Variants in SLC6A13 observed in about 807,000 individuals in gnomAD.
SLC6A13 encodes sodium- and chloride-dependent GABA transporter 2.
A neutral mutation model predicts 72.9 loss-of-function variants in SLC6A13; 69 were observed. The observed-to-expected ratio is 0.95, with a 90% CI of 0.78 to 1.16. SLC6A13 has a LOEUF of 1.16. SLC6A13 is among the 50% of genes most tolerant of loss of function. The probability of loss-of-function intolerance (pLI) is 0.00; values close to 1 mark genes in which losing one functional copy is unlikely to be tolerated. For synonymous variants in SLC6A13, 303 were observed against 303.0 expected (o/e 1.00, Z 0.00); for missense variants, 735 against 760.5 (o/e 0.97, Z 0.39).
intron 2 of SLC6A13, chr12:256,397 G>C (rs1353148755): frequency 6.6e-6 from 1 of 152,294 alleles, no homozygotes; most frequent in African/African-American, 2.4e-5. Flanking sequence ...CCTGGGGGTG[G>C]ATCAGCTGCA....
intron 7 of SLC6A13, among the ~76,000 whole-genome samples, chr12:230,435 CCTT>C (rs1458898287): frequency 2.6e-5 from 4 of 152,146 alleles, no homozygotes; most frequent in Admixed American, 2.6e-4. Flanking sequence ...CAATTCCTGA[CCTT>C]ATTAATTACT....
intron 1 of SLC6A13, among the ~76,000 whole-genome samples, chr12:261,596 A>G (rs190322556): frequency 1.0e-3 from 153 of 152,366 alleles, no homozygotes; most frequent in Non-Finnish European, 9.3e-4. Context: ...TCTTCTGGCC[A>G]CAGACTCTAC....
Position 221,201 on chromosome 12 carries a change from G to GT in SLC6A13, c.1687-132dup, listed in dbSNP as rs112977106. ...CTGTCATCACAGCCCCTGTCTGGGA[G>GT]TCCCCCTGTGTCTTCCCGAGACTTC... On this transcript the variant is annotated intron_variant, in intron 14 of 14. Transcript: ENST00000343164. 2.5e-3 allele frequency: 3,414 copies of GT among 1,342,830 alleles called. 85 individuals carry two copies. In the African/African-American group the frequency reaches 0.043, roughly 17 times the overall value. The allele number at this position is 1,342,830 out of a possible 1,614,324, so 83.2% of individuals were successfully genotyped here.
chr12:251,155 C>CAA (rs147560343), intron 2 of SLC6A13, among the ~76,000 whole-genome samples: 50 of 120,996 alleles, frequency 4.1e-4, no homozygotes, highest in East Asian at 2.3e-3. Context: ...GACTCTGTCT[C>CAA]AAAAAAAAAC....
chr12:227,806 C>A, intron 7 of SLC6A13, 138 bp from the exon 8 acceptor site: 1 of 692,740 alleles, frequency 1.4e-6, no homozygotes, highest in Non-Finnish European at 2.4e-6. Context: ...CACTTGCATC[C>A]TGCTACCTCT....
intron 2 of SLC6A13, among the ~76,000 whole-genome samples, chr12:248,464 G>A (rs546294026): frequency 6.8e-6 from 1 of 147,052 alleles, no homozygotes; most frequent in South Asian, 2.2e-4. Context: ...AATCTGTAAA[G>A]TTTATCTTAA....
intron 5 of SLC6A13, 77 bp downstream of exon 5, chr12:237,849 G>A (rs1186484083): frequency 7.5e-6 from 8 of 1,061,548 alleles, no homozygotes; most frequent in Non-Finnish European, 1.2e-5. Flanking sequence ...CATTGAGAGT[G>A]ACCTTGGTGT....
At chr12:257,987 C>T (rs1359225138) in intron 2 of SLC6A13, among the ~76,000 whole-genome samples, 1 of 152,168 alleles carries the variant, frequency 6.6e-6, no homozygotes, top group Non-Finnish European at 1.5e-5. Flanking sequence ...AGTCCCAATG[C>T]CAGATTAGTC....
chr12:239,352 G>A (rs1300735248), intron 4 of SLC6A13, among the ~76,000 whole-genome samples: 2 of 151,538 alleles, frequency 1.3e-5, no homozygotes, highest in African/African-American at 2.4e-5. Flanking sequence ...GCTCTACCAC[G>A]TCCACCCGGT....
In SLC6A13 at chr12:243,012, C is replaced by CT. The variant is rs57416459; in HGVS notation, c.338-259dup. On this transcript the variant is annotated intron_variant, in intron 3 of 14. Coordinates refer to ENST00000343164, the MANE Select transcript of SLC6A13 (RefSeq NM_016615.5). ...TTTAAATACTTGTGTCAAGATAGAA[C>CT]TTTTTTTTTTTTTTGAGATGGAGTT... is the stretch of plus-strand genomic sequence containing the variant. 2.8e-3 allele frequency among the ~76,000 whole-genome samples: 405 copies of CT among 144,698 alleles called. 2 individuals are homozygous for CT. The highest frequency in any genetic ancestry group is 4.2e-3 in the African/African-American group (167 of 39,782). The allele number at this position is 144,698 out of a possible 152,430, so 94.9% of individuals were successfully genotyped here. A position where few individuals can be genotyped will look rare whatever the true frequency, so the allele number is the denominator to read the frequency against.
At chr12:251,206 A>G (rs1942535861) in intron 2 of SLC6A13, among the ~76,000 whole-genome samples, 1 of 152,160 alleles carries the variant, frequency 6.6e-6, no homozygotes, top group Non-Finnish European at 1.5e-5. Flanking sequence ...TGAAGTACTT[A>G]ATTCCACCTG....
At chr12:240,272 C>T (rs554727009) in intron 4 of SLC6A13, among the ~76,000 whole-genome samples, 25 of 152,288 alleles carry the variant, frequency 1.6e-4, no homozygotes, top group Admixed American at 1.4e-3. Context: ...GGCACAATCT[C>T]GGCTCACTGC....
At chr12:256,174 T>C (rs1215361853) in intron 2 of SLC6A13, among the ~76,000 whole-genome samples, 1 of 152,180 alleles carries the variant, frequency 6.6e-6, no homozygotes, top group African/African-American at 2.4e-5. Flanking sequence ...GTAGTGTCTG[T>C]CTCCCTCCTC....
chr12:235,227 G>T lies in SLC6A13; in HGVS notation c.697-3C>A, dbSNP rs765126752. On this transcript the variant is annotated splice_polypyrimidine_tract_variant and splice_region_variant and intron_variant, in intron 6 of 14. Transcript: ENST00000343164. Reference sequence around the variant, plus strand: ...AATGTGGCCGTGAAGTACACCACCTGGTCATGGGCAAATGAGAGACAAGGA... The same window carrying T: ...AATGTGGCCGTGAAGTACACCACCTTGTCATGGGCAAATGAGAGACAAGGA... 1 of 1,614,188 alleles carries T rather than the reference G, an allele frequency of 6.2e-7. No homozygotes were observed. The highest frequency in any genetic ancestry group is 1.1e-5 in the South Asian group (1 of 91,088).
At position 241,687 on chromosome 12, in the gene SLC6A13, G is replaced by C. The variant is rs190568714; in HGVS notation, c.478+927C>G. The stretch of plus-strand genomic sequence containing the variant: ...GTATTAAGAACTACCATATTGGATA[G>C]TGCAAAGAACATTTTCATCATTACA... On this transcript the variant is annotated intron_variant, in intron 4 of 14. Coordinates refer to ENST00000343164, the MANE Select transcript of SLC6A13 (RefSeq NM_016615.5). Among the ~76,000 whole-genome samples the C allele has an allele frequency of 5.2e-3, 789 of 152,348 alleles. 3 individuals are homozygous for C. Among genetic ancestry groups the C allele is most frequent in the Non-Finnish European group, 8.9e-3 (604 of 68,034 alleles).
chr12:255,675 G>A (rs1339430683), intron 2 of SLC6A13, among the ~76,000 whole-genome samples: 3 of 152,240 alleles, frequency 2.0e-5, no homozygotes, highest in African/African-American at 7.2e-5. Context: ...CAGCCTGGGT[G>A]ACAGAGCGAG....
intron 8 of SLC6A13, 87 bp downstream of exon 8, chr12:227,478 C>T (rs546966698): frequency 6.3e-7 from 1 of 1,579,786 alleles, no homozygotes; most frequent in African/African-American, 1.3e-5. Flanking sequence ...GGAGCTGATG[C>T]ACCCTCCAAC....
rs757335080 is a variant in SLC6A13 at position 221,515 on chromosome 12, G to T, written c.1547C>A (p.Thr516Asn). The T allele has an allele frequency of 6.2e-7, 1 of 1,609,936 alleles. No individual in the cohort carries two copies. Among genetic ancestry groups the T allele is most frequent in the Admixed American group, 1.7e-5 (1 of 59,420 alleles). The change falls in exon 14 of 15, where the codon ACT (threonine) becomes AAT (asparagine). Residue 516 changes from threonine (T) to asparagine (N), a missense_variant. Physicochemically the swap from Thr to Asn is moderately conservative, Grantham distance 65 (BLOSUM62 0). Coordinates refer to ENST00000343164, the MANE Select transcript of SLC6A13 (RefSeq NM_016615.5). ...GTACTTCTTGTTGTAGGTCAGCGGA[G>T]TGTACTTTATCAGGGAGAAGAGAAA... The part of the protein sequence containing the change: ...ATFLFSLIKY[T>N]PLTYNKKYTY...
At chr12:246,181 G>A (rs1225292371) in intron 2 of SLC6A13, among the ~76,000 whole-genome samples, 1 of 119,014 alleles carries the variant, frequency 8.4e-6, no homozygotes, top group African/African-American at 3.0e-5. Flanking sequence ...AGCTGGGCAT[G>A]GTGGCATGTG....
Sources: allele counts gnomAD v4.1 joint callset (sites outside exome capture counted in the v4.1 genomes callset), GRCh38; gene constraint gnomAD v4.1.1; transcripts MANE v1.5; gene names NCBI Gene and HGNC (gene_info 2026-07-23, HGNC 2026-07-21).